The following UBIAD1 variants were observed in gnomAD, a reference collection of about 807,000 sequenced individuals.
UBIAD1 encodes the protein ubiA prenyltransferase domain-containing protein 1.
In UBIAD1, 12 loss-of-function variants were observed where a neutral mutation model predicts 20.1. That is an observed-to-expected ratio of 0.60 (90% CI 0.38 to 0.97). The LOEUF is 0.97. Among genes scored for constraint, UBIAD1 ranks in the 50% least tolerant of loss-of-function variants. The probability of loss-of-function intolerance (pLI) is 0.00; values close to 1 mark genes in which losing one functional copy is unlikely to be tolerated. For synonymous variants in UBIAD1, 207 were observed against 189.2 expected (o/e 1.09, Z -0.77); for missense variants, 333 against 419.5 (o/e 0.79, Z 1.80).
chr1:11,294,049 T>C (rs1050472142), intron 1 of UBIAD1, among the ~76,000 whole-genome samples: 16 of 152,210 alleles, frequency 1.1e-4, no homozygotes, highest in African/African-American at 3.9e-4. Context: ...TAAATAAACG[T>C]TGGATGACTG....
chr1:11,290,199 C>T (rs534808350), downstream of UBIAD1, among the ~76,000 whole-genome samples: 3 of 152,272 alleles, frequency 2.0e-5, no homozygotes, highest in South Asian at 6.2e-4. Context: ...TTATTCTGCT[C>T]CCCAGGCAGG....
chr1:11,298,723 G>A (rs1030618138), downstream of UBIAD1, among the ~76,000 whole-genome samples: 2 of 152,208 alleles, frequency 1.3e-5, no homozygotes, highest in Admixed American at 1.3e-4. This position sits in a 1 kb window ranked among gnomAD's most constrained non-coding sequence, Gnocchi z 4.0. Context: ...GGTGCTGAAC[G>A]TGAAGGGAAC....
At chr1:11,281,775 C>T (rs1652248926) in intron 1 of UBIAD1, among the ~76,000 whole-genome samples, 1 of 152,214 alleles carries the variant, frequency 6.6e-6, no homozygotes, top group Non-Finnish European at 1.5e-5. Context: ...TCTGATTCCT[C>T]TCACAGAGAT....
chr1:11,297,164 T>C (rs1308685357), downstream of UBIAD1, among the ~76,000 whole-genome samples: 3 of 152,234 alleles, frequency 2.0e-5, no homozygotes, highest in Non-Finnish European at 2.9e-5. Context: ...AATCCTAATG[T>C]TGAATCCTAT....
Position 11,273,960 on chromosome 1 carries a change from C to T in UBIAD1, c.429C>T (p.Cys143=), listed in dbSNP as rs775287961. 5 of 1,614,232 alleles carry T rather than the reference C, an allele frequency of 3.1e-6. No homozygotes were observed. In the South Asian group the frequency reaches 3.3e-5, roughly 11 times the overall value. ...GAGTCTTCCTCTACACGTTGGGCTG[C>T]GTCTGTGCCGCTTGCCTCTACTACC... is the stretch of plus-strand genomic sequence containing the variant. The part of the protein sequence containing the change: ...RFGVFLYTLG[C]VCAACLYYLS... Residue 143 remains cysteine (C), a synonymous_variant, in exon 1 of 2, where the codon TGC becomes TGT. Coordinates refer to ENST00000376810, the MANE Select transcript of UBIAD1 (RefSeq NM_013319.3). This position sits in a 1 kb window ranked among gnomAD's most constrained non-coding sequence, Gnocchi z 4.9.
rs1557519934 is a variant in UBIAD1 at position 11,285,823 on chromosome 1, A to G, written c.709A>G (p.Met237Val). The G allele has an allele frequency of 3.1e-6, 5 of 1,614,054 alleles. No individual in the cohort carries two copies. The highest frequency in any genetic ancestry group is 1.7e-6 in the Non-Finnish European group (2 of 1,180,040). ...TCTCCATTCCAACAACACCAGGGAC[A>G]TGGAGTCCGACCGGGAGGCTGGTAT... is the stretch of plus-strand genomic sequence containing the variant. ...AILHSNNTRD[M>V]ESDREAGIVT... The change falls in exon 2 of 2, where the codon ATG becomes GTG. Residue 237 changes from methionine (M) to valine (V), a missense_variant. Physicochemically the swap from Met to Val is conservative, Grantham distance 21. This residue lies in a region of UBIAD1 where 226 missense variants were observed against 263.5 expected (regional missense o/e 0.86). Coordinates refer to ENST00000376810, the MANE Select transcript of UBIAD1 (RefSeq NM_013319.3). The surrounding 1 kb of genome is among the most constrained non-coding windows in gnomAD (Gnocchi z 4.4).
rs373426663 is a variant in UBIAD1, at chr1:11,285,930, C to T, written c.816C>T (p.Phe272=). Reference sequence around the variant, plus strand: ...TGCTCTTCCTGCCCTACCTGGTCTTCAGCATCCTGGCCACACACTGCACCA... The same window carrying T: ...TGCTCTTCCTGCCCTACCTGGTCTTTAGCATCCTGGCCACACACTGCACCA... ...NTLLFLPYLV[F]SILATHCTIS... Residue 272 remains phenylalanine (F), a synonymous_variant, in exon 2 of 2, where the codon TTC becomes TTT. Transcript: ENST00000376810. The surrounding 1 kb of genome is among the most constrained non-coding windows in gnomAD (Gnocchi z 4.4). 8.9e-5 allele frequency: 144 copies of T among 1,614,110 alleles called. No individual in the cohort carries two copies. The highest frequency in any genetic ancestry group is 9.5e-5 in the Non-Finnish European group (112 of 1,180,048).
In UBIAD1 at chr1:11,273,727, G is replaced by T; in HGVS notation, c.196G>T (p.Ala66Ser). The T allele has an allele frequency of 9.9e-6, 16 of 1,614,122 alleles. No individual in the cohort carries two copies. The highest frequency in any genetic ancestry group is 1.4e-5 in the Non-Finnish European group (16 of 1,180,022). ...CTTCAGTGCCTCACTCACACCGGTG[G>T]CCCTGGGCAGTGCCCTTGCCTACAG... The part of the protein sequence containing the change: ...WSFSASLTPV[A>S]LGSALAYRSH... Residue 66 changes from alanine (A) to serine (S), a missense_variant, in exon 1 of 2, where the codon GCC becomes TCC. By Grantham distance (99) the Ala-to-Ser change is moderately conservative (BLOSUM62 1). Around this residue, in one of 3 missense-constraint regions of UBIAD1, gnomAD observed 50 missense variants for 101.2 expected, o/e 0.49. Coordinates refer to ENST00000376810, the MANE Select transcript of UBIAD1 (RefSeq NM_013319.3). The surrounding 1 kb of genome is among the most constrained non-coding windows in gnomAD (Gnocchi z 4.9).
chr1:11,291,546 G>T (rs1436636552), downstream of UBIAD1, among the ~76,000 whole-genome samples: 8 of 149,554 alleles, frequency 5.3e-5, no homozygotes, highest in South Asian at 1.5e-3. Flanking sequence ...GGCAGAGATT[G>T]CAGTCAGCTA....
rs1300672969 is a variant in UBIAD1, at chr1:11,285,773, C to T, written c.659C>T (p.Pro220Leu). Reference protein sequence around the residue: ...LAIFPLVYAIPLALSTEAILH... With the variant: ...LAIFPLVYAILLALSTEAILH... ...ATCTTCCCACTGGTCTATGCCATCC[C>T]CCTCGCCCTCAGCACCGAGGCCATT... Residue 220 changes from proline (P) to leucine (L), a missense_variant, in exon 2 of 2, where the codon CCC becomes CTC. Pro to Leu is a moderately conservative substitution (Grantham distance 98). Coordinates refer to ENST00000376810, the MANE Select transcript of UBIAD1 (RefSeq NM_013319.3). This position sits in a 1 kb window ranked among gnomAD's most constrained non-coding sequence, Gnocchi z 4.4. The T allele has an allele frequency of 6.2e-7, 1 of 1,614,094 alleles. No homozygotes were observed. The highest frequency in any genetic ancestry group is 2.2e-5 in the East Asian group (1 of 44,894).
chr1:11,288,732 AC>A (rs1638313292), downstream of UBIAD1, among the ~76,000 whole-genome samples: 2 of 152,018 alleles, frequency 1.3e-5, no homozygotes, highest in Admixed American at 6.6e-5. Flanking sequence ...ACGTAGTAAG[AC>A]CCCATCTCTA....
rs946161182 is a variant in UBIAD1 at position 11,280,691 on chromosome 1, A to G, written c.530-4953A>G. On this transcript the variant is annotated intron_variant, in intron 1 of 1. Transcript: ENST00000376810. ...ACGTCTCACATCCAGTTCATCAGCA[A>G]ATTCTGTTGACTCTCCTTTCAAAAT... Among the ~76,000 whole-genome samples, 3 of 152,078 alleles carry G rather than the reference A, an allele frequency of 2.0e-5. No individual in the cohort carries two copies. The East Asian group carries it at 5.8e-4, about 29-fold the overall frequency.
exon 2 of UBIAD1, chr1:11,294,995 A>C (rs1462669633): frequency 1.4e-6 from 1 of 715,424 alleles, no homozygotes; most frequent in African/African-American, 1.7e-5. Context: ...GCCACCTTCG[A>C]GGAGAGGGAA....
At chr1:11,289,031 T>C (rs1638318395), downstream of UBIAD1, among the ~76,000 whole-genome samples, 1 of 152,172 alleles carries the variant, frequency 6.6e-6, no homozygotes, top group African/African-American at 2.4e-5. Flanking sequence ...CTTGATAGGG[T>C]CACTGTGCTG....
downstream of UBIAD1, among the ~76,000 whole-genome samples, chr1:11,288,935 C>A (rs867040445): frequency 6.6e-6 from 1 of 151,652 alleles, no homozygotes; most frequent in African/African-American, 2.4e-5. Flanking sequence ...AAACAAAAAA[C>A]GTTGAGGGCT....
chr1:11,296,740 C>T (rs1160444533), downstream of UBIAD1, among the ~76,000 whole-genome samples: 2 of 152,170 alleles, frequency 1.3e-5, no homozygotes, highest in East Asian at 3.9e-4. Context: ...GGCTGGTCTC[C>T]AGCTCTTAGG....
chr1:11,284,372 G>A (rs1652339608), intron 1 of UBIAD1, among the ~76,000 whole-genome samples: 1 of 152,094 alleles, frequency 6.6e-6, no homozygotes, highest in South Asian at 2.1e-4. Flanking sequence ...GGTGAGCCAG[G>A]TTAAAGATCT....
intron 1 of UBIAD1, among the ~76,000 whole-genome samples, chr1:11,294,481 C>T (rs1163916495): frequency 6.6e-6 from 1 of 152,142 alleles, no homozygotes; most frequent in Non-Finnish European, 1.5e-5. Context: ...TCTTGCCCTG[C>T]AGTTCCTTGC....
At position 11,286,235 on chromosome 1, in the gene UBIAD1, T is replaced by G; in HGVS notation, c.*104T>G. ...GATTTGGCAGTCAGGGTACTAAGCA[T>G]GGGTGGGAACTCCTGCCTTATAAAA... On this transcript the variant is annotated 3_prime_UTR_variant, in exon 2 of 2. Coordinates refer to ENST00000376810, the MANE Select transcript of UBIAD1 (RefSeq NM_013319.3). The G allele has an allele frequency of 2.0e-6, 3 of 1,463,834 alleles. No individual in the cohort carries two copies. Among genetic ancestry groups the G allele is most frequent in the Non-Finnish European group, 2.8e-6 (3 of 1,054,060 alleles). The allele number at this position is 1,463,834 out of a possible 1,614,324, so 90.7% of individuals were successfully genotyped here. A position where few individuals can be genotyped will look rare whatever the true frequency, so the allele number is the denominator to read the frequency against.
Sources: allele counts gnomAD v4.1 joint callset (sites outside exome capture counted in the v4.1 genomes callset), GRCh38; gene constraint gnomAD v4.1.1; regional missense constraint gnomAD v4.1.1; non-coding constraint Gnocchi (gnomAD v3.1); transcripts MANE v1.5; gene names NCBI Gene and HGNC (gene_info 2026-07-23, HGNC 2026-07-21).